The following BNC2 variants were observed in gnomAD, a reference collection of about 807,000 sequenced individuals.
The protein encoded by BNC2 is basonuclin zinc finger protein 2.
BNC2 carries 20 observed loss-of-function variants against 76.3 expected under a neutral mutation model. That is an observed-to-expected ratio of 0.26 (90% CI 0.18 to 0.38). The LOEUF (loss-of-function observed/expected upper bound fraction) is 0.38, where lower values mean the gene tolerates loss of function less well. Among genes scored for constraint, BNC2 ranks in the 10% least tolerant of loss-of-function variants. BNC2 has a pLI of 1.00. For missense variants in BNC2, 1,382 were observed against 1,399.8 expected, an observed-to-expected ratio of 0.99 and a Z score of 0.20; for synonymous variants, 582 against 514.8, an observed-to-expected ratio of 1.13 and a Z score of -1.77.
At chr9:16,859,579 A>G (rs1229878851) in intron 1 of BNC2, among the ~76,000 whole-genome samples, 1 of 152,246 alleles carries the variant, frequency 6.6e-6, no homozygotes, top group Admixed American at 6.5e-5. Context: ...TTAAGTTTCT[A>G]GCTAAGTGAA....
chr9:16,672,287 G>C (rs137928865), intron 3 of BNC2, among the ~76,000 whole-genome samples: 4 of 152,304 alleles, frequency 2.6e-5, no homozygotes, highest in Non-Finnish European at 5.9e-5. Flanking sequence ...CACGAGGTCA[G>C]GAGATCCAGA....
intron 3 of BNC2, among the ~76,000 whole-genome samples, chr9:16,676,444 T>C (rs1365389718): frequency 6.6e-6 from 1 of 152,228 alleles, no homozygotes; most frequent in Non-Finnish European, 1.5e-5. Flanking sequence ...TGCTATGGCT[T>C]AGGAACATAC....
intron 3 of BNC2, among the ~76,000 whole-genome samples, chr9:16,678,437 T>C (rs1007132812): frequency 2.0e-5 from 3 of 151,508 alleles, no homozygotes; most frequent in Admixed American, 6.6e-5. Context: ...CCAGCTAATT[T>C]TCTGTATTTT....
chr9:16,757,992 T>C (rs956423477), intron 1 of BNC2, among the ~76,000 whole-genome samples: 13 of 152,208 alleles, frequency 8.5e-5, no homozygotes, highest in Admixed American at 3.9e-4. Flanking sequence ...AGTTCTTATC[T>C]TACAGTTATA....
At chr9:16,759,086 T>C (rs1586860666) in intron 1 of BNC2, among the ~76,000 whole-genome samples, 1 of 152,186 alleles carries the variant, frequency 6.6e-6, no homozygotes, top group East Asian at 1.9e-4. Flanking sequence ...AACTTCATGG[T>C]AATCATTTTC....
intron 3 of BNC2, among the ~76,000 whole-genome samples, chr9:16,593,573 T>A (rs73419489): frequency 0.049 from 7,389 of 152,080 alleles, 637 homozygotes; most frequent in African/African-American, 0.17. Flanking sequence ...CCTATGATAA[T>A]ACATGCGATT....
At chr9:16,861,896 G>A (rs1476827650) in intron 1 of BNC2, among the ~76,000 whole-genome samples, 2 of 152,124 alleles carry the variant, frequency 1.3e-5, no homozygotes, top group African/African-American at 4.8e-5. Flanking sequence ...GGCTGAGGCA[G>A]GAGAATGGCG....
At chr9:16,699,190 T>C (rs1823435262) in intron 3 of BNC2, 1 of 471,002 alleles carries the variant, frequency 2.1e-6, no homozygotes, top group Non-Finnish European at 4.4e-6. Flanking sequence ...ACCAGTAACC[T>C]GCACATCTAC....
intron 3 of BNC2, among the ~76,000 whole-genome samples, chr9:16,698,089 T>C (rs1446069659): frequency 6.6e-6 from 1 of 152,216 alleles, no homozygotes; most frequent in South Asian, 2.1e-4. Context: ...GAGCCCTGCC[T>C]ATTCCTTTAC....
At chr9:16,566,884 T>C (rs943747) in intron 4 of BNC2, among the ~76,000 whole-genome samples, 8,671 of 152,228 alleles carry the variant, frequency 0.057, 881 homozygotes, top group African/African-American at 0.2. Context: ...CTTTTTAGTA[T>C]GCAGAATTTC....
intron 3 of BNC2, among the ~76,000 whole-genome samples, chr9:16,603,871 A>G (rs893762955): frequency 1.1e-5 from 1 of 88,316 alleles, no homozygotes; most frequent in Non-Finnish European, 2.7e-5. Context: ...ATATTCTCTT[A>G]AAAATTAGGT....
chr9:16,602,957 T>C (rs1449326316), intron 3 of BNC2, among the ~76,000 whole-genome samples: 2 of 152,230 alleles, frequency 1.3e-5, no homozygotes, highest in East Asian at 3.8e-4. Context: ...AGATGCCATC[T>C]TACTGTATAT....
Position 16,503,967 on chromosome 9 carries a change from G to A in BNC2, c.669+48563C>T, listed in dbSNP as rs144347584. ...TCAGTAAGAAAAATAACCTTGTAGT[G>A]AATCAGAAAACATACTTATTCTAGT... On this transcript the variant is annotated intron_variant, in intron 5 of 6. Coordinates refer to ENST00000380672, the MANE Select transcript of BNC2 (RefSeq NM_017637.6). Among the ~76,000 whole-genome samples, 8 of 152,184 alleles carry A rather than the reference G, an allele frequency of 5.3e-5. No homozygotes were observed. In the East Asian group the frequency reaches 1.4e-3, roughly 26 times the overall value.
chr9:16,860,496 A>C (rs1302792648), intron 1 of BNC2, among the ~76,000 whole-genome samples: 12 of 152,310 alleles, frequency 7.9e-5, no homozygotes, highest in Admixed American at 7.2e-4. Context: ...CAAAAGAATA[A>C]AGTTGTACCC....
At chr9:16,679,912 G>C (rs1051035232) in intron 3 of BNC2, among the ~76,000 whole-genome samples, 1 of 152,214 alleles carries the variant, frequency 6.6e-6, no homozygotes, top group African/African-American at 2.4e-5. Context: ...CTACCATGGC[G>C]TCAGTCCTCA....
rs1291341421 is a variant in BNC2 at position 16,569,700 on chromosome 9, T to A, written c.433+13283A>T. On this transcript the variant is annotated intron_variant, in intron 4 of 6. Coordinates refer to ENST00000380672, the MANE Select transcript of BNC2 (RefSeq NM_017637.6). ...CTTACATGGCCCACTTTTGGGGGCA[T>A]GCCTTTGCTCTTTTGCAGCAACTCC... Among the ~76,000 whole-genome samples the A allele has an allele frequency of 3.3e-5, 5 of 152,352 alleles. No individual in the cohort carries two copies. In the Middle Eastern group the frequency reaches 0.017, roughly 518 times the overall value.
chr9:16,756,358 T>G (rs1586858440), intron 1 of BNC2, among the ~76,000 whole-genome samples: 1 of 152,312 alleles, frequency 6.6e-6, no homozygotes, highest in East Asian at 1.9e-4. Flanking sequence ...CCTCCAAATC[T>G]TTCTAGTTTA....
intron 5 of BNC2, among the ~76,000 whole-genome samples, chr9:16,550,624 ATTTG>A (rs768579057): frequency 2.0e-5 from 3 of 152,188 alleles, no homozygotes; most frequent in Non-Finnish European, 4.4e-5. Context: ...GCACATACCT[ATTTG>A]TTTGGACAGA....
rs754671822 is a variant in BNC2 at position 16,416,638 on chromosome 9, T to C, written c.*2351A>G. On this transcript the variant is annotated 3_prime_UTR_variant, in exon 7 of 7. Transcript: ENST00000380672. ...ATTTAACATAGTGTTTGATATAGTT[T>C]CTTTTGTACTGCAAATACTTTTGGT... 6.6e-6 allele frequency: 1 copy of C among 152,648 alleles called. No individual in the cohort carries two copies. The highest frequency in any genetic ancestry group is 1.5e-5 in the Non-Finnish European group (1 of 68,044). The allele number at this position is 152,648 out of a possible 1,614,324, so 9.5% of individuals were successfully genotyped here.
Sources: allele counts gnomAD v4.1 joint callset (sites outside exome capture counted in the v4.1 genomes callset), GRCh38; gene constraint gnomAD v4.1.1; transcripts MANE v1.5; gene names NCBI Gene and HGNC (gene_info 2026-07-23, HGNC 2026-07-21).